ANKRD27: variants seen among roughly 807,000 people sequenced by gnomAD.
The protein encoded by ANKRD27 is ankyrin repeat domain 27, also known as ankyrin repeat domain-containing protein 27.
ANKRD27 carries 112 observed loss-of-function variants against 129.7 expected under a neutral mutation model. The ratio of observed to expected loss-of-function variants is 0.86; its 90% CI spans 0.74 to 1.01. The LOEUF (loss-of-function observed/expected upper bound fraction) is 1.01. Among genes scored for constraint, ANKRD27 ranks in the 50% least tolerant of loss-of-function variants. The pLI is 0.00. For synonymous variants in ANKRD27, 516 were observed against 511.2 expected, an observed-to-expected ratio of 1.01 and a Z score of -0.13; for missense variants, 1,258 against 1,300.5, an observed-to-expected ratio of 0.97 and a Z score of 0.50.
chr19:32,649,587 G>A lies in ANKRD27; in HGVS notation c.213+95C>T. The A allele has an allele frequency of 2.3e-6, 2 of 859,272 alleles. 1 individual carries two copies. The highest frequency in any genetic ancestry group is 2.8e-5 in the South Asian group (2 of 72,112). 53.2% of individuals were successfully genotyped at this position (859,272 alleles called of 1,614,324 possible). A position where few individuals can be genotyped will look rare whatever the true frequency, so the allele number is the denominator to read the frequency against. On this transcript the variant is annotated intron_variant, in intron 3 of 28. Coordinates refer to ENST00000306065, the MANE Select transcript of ANKRD27 (RefSeq NM_032139.3). Reference sequence around the variant, plus strand: ...TGTGTGTCAAATGCCACCATTGCCAGTAGCTGTGAAAGGCTGAGAACGGGA... The same window carrying A: ...TGTGTGTCAAATGCCACCATTGCCAATAGCTGTGAAAGGCTGAGAACGGGA...
chr19:32,629,619 G>T (rs963408821), intron 13 of ANKRD27, among the ~76,000 whole-genome samples: 4 of 152,066 alleles, frequency 2.6e-5, no homozygotes, highest in African/African-American at 9.7e-5. Flanking sequence ...AGAATCACTT[G>T]AACCCGGGAG....
At chr19:32,631,658 G>C (rs1053352938) in intron 12 of ANKRD27, among the ~76,000 whole-genome samples, 164 bp from the exon 13 acceptor site, 1 of 152,212 alleles carries the variant, frequency 6.6e-6, no homozygotes, top group Admixed American at 6.5e-5. Flanking sequence ...GCTGACGTCA[G>C]GTGGGGAGAA....
chr19:32,638,420 A>AC (rs1199601544), intron 12 of ANKRD27: 3 of 152,130 alleles, frequency 2.0e-5, no homozygotes, highest in East Asian at 1.9e-4. Context: ...TGCCTTGCTC[A>AC]CCCTCCACTA....
chr19:32,671,621 G>A (rs1599781766), intron 1 of ANKRD27, among the ~76,000 whole-genome samples: 1 of 152,162 alleles, frequency 6.6e-6, no homozygotes, highest in South Asian at 2.1e-4. Flanking sequence ...CTTGAACCTG[G>A]GAGGTGGAGG....
At chr19:32,636,606 T>C (rs1967094668) in intron 12 of ANKRD27, 2 of 152,004 alleles carry the variant, frequency 1.3e-5, no homozygotes, top group African/African-American at 4.8e-5. Context: ...GGGAAGTTTT[T>C]GTTGTCTTCA....
rs201118375 is a variant in ANKRD27 at position 32,607,595 on chromosome 19, C to G, written c.2373+40G>C. On this transcript the variant is annotated intron_variant, in intron 23 of 28. Coordinates refer to ENST00000306065, the MANE Select transcript of ANKRD27 (RefSeq NM_032139.3). ...CCAAGCACAAGGTCCTAGCCCAAAG[C>G]AGACACCCTGCTCCACCACCCCCAA... 4.4e-6 allele frequency: 7 copies of G among 1,595,090 alleles called. No homozygotes were observed. In the East Asian group the frequency reaches 1.1e-4, roughly 26 times the overall value.
rs1163357227 is a variant in ANKRD27 at position 32,626,741 on chromosome 19, C to T, written c.1507G>A (p.Ala503Thr). ...DYHGATPLHL[A>T]CQKGYQSVTL... Reference sequence around the variant, plus strand: ...ACGCTCTGGTAGCCCTTCTGACAGGCCAGGTGGAGCGGAGTGGCTCCATGG... The same window carrying T: ...ACGCTCTGGTAGCCCTTCTGACAGGTCAGGTGGAGCGGAGTGGCTCCATGG... Residue 503 changes from alanine (A) to threonine (T), a missense_variant, in exon 16 of 29, where the codon GCC becomes ACC. Coordinates refer to ENST00000306065, the MANE Select transcript of ANKRD27 (RefSeq NM_032139.3). 6.2e-7 allele frequency: 1 copy of T among 1,611,738 alleles called. No homozygotes were observed. The highest frequency in any genetic ancestry group is 1.7e-5 in the Admixed American group (1 of 59,696).
At chr19:32,601,909 G>T in intron 26 of ANKRD27, 106 bp downstream of exon 26, 2 of 695,656 alleles carry the variant, frequency 2.9e-6, no homozygotes, top group South Asian at 1.9e-5. Flanking sequence ...CTCCAGGCAT[G>T]ATTATAATTA....
At chr19:32,671,650 G>A (rs926104247) in intron 1 of ANKRD27, among the ~76,000 whole-genome samples, 2 of 152,134 alleles carry the variant, frequency 1.3e-5, no homozygotes, top group Non-Finnish European at 2.9e-5. Context: ...AGCCGAGATC[G>A]GGCCACTGCA....
chr19:32,628,148 G>A lies in ANKRD27; in HGVS notation c.1355C>T (p.Ser452Leu). 6.2e-7 allele frequency: 1 copy of A among 1,614,152 alleles called. No homozygotes were observed. The highest frequency in any genetic ancestry group is 8.5e-7 in the Non-Finnish European group (1 of 1,179,962). ...KLVSGRLNDP[S>L]VVTPFSRDDR... Reference sequence around the variant, plus strand: ...GTCTCTGGAGAATGGAGTGACAACTGAGGGATCATTCAACCTCCTAAAATA... The same window carrying A: ...GTCTCTGGAGAATGGAGTGACAACTAAGGGATCATTCAACCTCCTAAAATA... Residue 452 changes from serine (S) to leucine (L), a missense_variant, in exon 15 of 29, where the codon TCA becomes TTA. By Grantham distance (145) the Ser-to-Leu change is moderately radical. Coordinates refer to ENST00000306065, the MANE Select transcript of ANKRD27 (RefSeq NM_032139.3).
rs368417684 is a variant in ANKRD27 at position 32,599,779 on chromosome 19, A to G, written c.2847-3T>C. 17 of 1,612,298 alleles carry G rather than the reference A, an allele frequency of 1.1e-5. No individual in the cohort carries two copies. The African/African-American group carries it at 1.6e-4, about 15-fold the overall frequency. ...TAATCTCCCTTGAAGTCTTTCCCCT[A>G]AAACCCAAAATAAACGAAAATAAAT... On this transcript the variant is annotated splice_polypyrimidine_tract_variant and splice_region_variant and intron_variant, in intron 27 of 28. Transcript: ENST00000306065.
In ANKRD27 at chr19:32,643,414, C is replaced by T. The variant is rs1967240123; in HGVS notation, c.639+17G>A. The T allele has an allele frequency of 4.3e-6, 7 of 1,613,904 alleles. No homozygotes were observed. The highest frequency in any genetic ancestry group is 5.1e-6 in the Non-Finnish European group (6 of 1,180,028). ...GGCAACAGGGTGTGCCTCCCAGCCA[C>T]TCCGCCCCACCCTCACCTCCACTGC... On this transcript the variant is annotated intron_variant, in intron 7 of 28. Transcript: ENST00000306065.
intron 3 of ANKRD27, 128 bp from the exon 4 acceptor site, chr19:32,646,743 A>T: frequency 1.1e-6 from 1 of 922,006 alleles, no homozygotes; most frequent in Non-Finnish European, 1.6e-6. Flanking sequence ...GCTGGGGCAC[A>T]AATACTCTCC....
intron 2 of ANKRD27, among the ~76,000 whole-genome samples, chr19:32,651,994 C>T (rs780611185): frequency 2.0e-4 from 31 of 152,328 alleles, no homozygotes; most frequent in Admixed American, 1.3e-3. Flanking sequence ...CAGAAGCCAA[C>T]GCTGGGCTCC....
In ANKRD27 at chr19:32,597,842, CTG is replaced by C; in HGVS notation, c.*301_*302del. The C allele has an allele frequency of 2.4e-6, 1 of 418,400 alleles. No homozygotes were observed. Among genetic ancestry groups the C allele is most frequent in the South Asian group, 2.6e-5 (1 of 38,530 alleles). The allele number at this position is 418,400 out of a possible 1,614,324, so 25.9% of individuals were successfully genotyped here. ...GAATGCGGTGGTGAAACCTCTCCCA[CTG>C]TGACCAACAAACCCTCATACTTAAA... On this transcript the variant is annotated 3_prime_UTR_variant, in exon 29 of 29. Coordinates refer to ENST00000306065, the MANE Select transcript of ANKRD27 (RefSeq NM_032139.3).
chr19:32,601,607 G>C (rs1308546767), intron 26 of ANKRD27, among the ~76,000 whole-genome samples: 3 of 106,458 alleles, frequency 2.8e-5, no homozygotes, highest in Non-Finnish European at 5.2e-5. Context: ...GCGAGACTCT[G>C]TCTCAAAAAA....
At chr19:32,623,936 C>T (rs1286420742) in intron 17 of ANKRD27, among the ~76,000 whole-genome samples, 1 of 152,126 alleles carries the variant, frequency 6.6e-6, no homozygotes, top group Admixed American at 6.6e-5. Context: ...GTTCTGTGTC[C>T]TTCTGCTGTA....
intron 5 of ANKRD27, 102 bp from the exon 6 acceptor site, chr19:32,643,733 G>A: frequency 8.9e-7 from 1 of 1,120,974 alleles, no homozygotes. Flanking sequence ...GCTAACACAA[G>A]CTTTATGAAG....
At chr19:32,658,475 A>G (rs567249776) in intron 2 of ANKRD27, among the ~76,000 whole-genome samples, 4 of 152,314 alleles carry the variant, frequency 2.6e-5, no homozygotes, top group African/African-American at 7.2e-5. Flanking sequence ...AAAACCTTTC[A>G]AAGCAGTGTA....
Sources: gnomAD v4.1 joint callset for allele counts (sites outside exome capture counted in the v4.1 genomes callset) on GRCh38, gnomAD v4.1.1 for gene constraint, MANE v1.5 for transcripts, NCBI Gene and HGNC (gene_info 2026-07-23, HGNC 2026-07-21) for gene names.